The following SLC36A1 variants were observed in gnomAD, a reference collection of about 807,000 sequenced individuals.
SLC36A1 encodes the protein proton-coupled amino acid transporter 1.
SLC36A1 carries 30 observed loss-of-function variants against 47.5 expected under a neutral mutation model. The ratio of observed to expected loss-of-function variants is 0.63; its 90% CI spans 0.47 to 0.86. The LOEUF is 0.86. Ranked by LOEUF, SLC36A1 falls within the 40% of genes least tolerant of loss-of-function variation. The pLI is 0.00. For missense variants in SLC36A1, 517 were observed against 606.0 expected, an observed-to-expected ratio of 0.85 and a Z score of 1.54; for synonymous variants, 255 against 249.7, an observed-to-expected ratio of 1.02 and a Z score of -0.20.
At chr5:151,546,787 T>C in the SLC36A1 span, among the ~76,000 whole-genome samples, 1 of 152,102 alleles carries the variant, frequency 6.6e-6, no homozygotes, top group Non-Finnish European at 1.5e-5. Context: ...GATGTGAGCA[T>C]GGCTCACTGC....
chr5:151,472,887 G>T (rs760927484), intron 7 of SLC36A1, among the ~76,000 whole-genome samples: 3 of 152,054 alleles, frequency 2.0e-5, no homozygotes, highest in Admixed American at 6.6e-5. Flanking sequence ...GTGCATACTG[G>T]CCAGGCGCAG....
intron 1 of SLC36A1, among the ~76,000 whole-genome samples, chr5:151,438,849 G>T (rs1170549630): frequency 6.6e-6 from 1 of 152,140 alleles, no homozygotes; most frequent in African/African-American, 2.4e-5. Flanking sequence ...TCCTCAGAGT[G>T]CATGCATCTA....
the SLC36A1 span, among the ~76,000 whole-genome samples, chr5:151,500,876 AG>A: frequency 6.6e-6 from 1 of 152,226 alleles, no homozygotes. Flanking sequence ...CCGCAGGCCC[AG>A]TAAACTGGTC....
At chr5:151,511,472 G>A in the SLC36A1 span, 1,104 of 152,374 alleles carry the variant, frequency 7.2e-3, 12 homozygotes, top group Middle Eastern at 0.014. Flanking sequence ...CCACCCCTGG[G>A]TGTCGGGTGT....
chr5:151,401,556 G>A, the SLC36A1 span, among the ~76,000 whole-genome samples: 1,129 of 152,244 alleles, frequency 7.4e-3, 19 homozygotes, highest in African/African-American at 0.026. Context: ...ATCTAATTCT[G>A]TGAAAAATAA....
chr5:151,442,224 G>A (rs1379449274), intron 1 of SLC36A1, among the ~76,000 whole-genome samples: 1 of 152,092 alleles, frequency 6.6e-6, no homozygotes, highest in African/African-American at 2.4e-5. Context: ...CTTATAGATA[G>A]TAAAATTGTA....
chr5:151,472,989 G>A (rs1298600655), intron 7 of SLC36A1, among the ~76,000 whole-genome samples: 2 of 152,184 alleles, frequency 1.3e-5, no homozygotes, highest in Admixed American at 1.3e-4. Flanking sequence ...CCAACATGGT[G>A]AAGCCCTGTC....
chr5:151,462,104 C>T (rs1755607868), intron 2 of SLC36A1, among the ~76,000 whole-genome samples: 1 of 151,914 alleles, frequency 6.6e-6, no homozygotes, highest in African/African-American at 2.4e-5. Context: ...ATATCTGTTG[C>T]CCAGAATAAA....
intron 8 of SLC36A1, among the ~76,000 whole-genome samples, chr5:151,475,263 T>A (rs567299900): frequency 4.6e-5 from 7 of 152,350 alleles, no homozygotes; most frequent in African/African-American, 1.7e-4. Context: ...CCTTAGGTTC[T>A]TGGGCATCCT....
the SLC36A1 span, among the ~76,000 whole-genome samples, chr5:151,517,925 T>TAG: frequency 6.6e-6 from 1 of 152,202 alleles, no homozygotes; most frequent in Non-Finnish European, 1.5e-5. Flanking sequence ...CATACCTTTC[T>TAG]AGCCTCACAC....
intron 7 of SLC36A1, among the ~76,000 whole-genome samples, chr5:151,473,210 AT>A (rs1330937200): frequency 3.0e-4 from 45 of 151,534 alleles, no homozygotes; most frequent in Admixed American, 4.6e-4. Context: ...AGATAGATAG[AT>A]AGATAGATAG....
chr5:151,458,149 A>C lies in SLC36A1; in HGVS notation c.-5-639A>C, dbSNP rs143501561. ...AGGCGTGAGCCACCACACCCAGCCC[A>C]GAGAGGATTTCTTGAGTGAAATGTG... On this transcript the variant is annotated intron_variant, in intron 1 of 10. Coordinates refer to ENST00000243389, the MANE Select transcript of SLC36A1 (RefSeq NM_078483.4). Among the ~76,000 whole-genome samples the C allele has an allele frequency of 1.4e-3, 216 of 152,004 alleles. 5 individuals carry two copies. The East Asian group carries it at 0.036, about 26-fold the overall frequency.
the SLC36A1 span, among the ~76,000 whole-genome samples, chr5:151,411,301 G>A: frequency 6.9e-5 from 10 of 144,390 alleles, no homozygotes; most frequent in Non-Finnish European, 1.2e-4. Flanking sequence ...GGATACCTAC[G>A]GGATGATCTG....
chr5:151,397,030 A>G, the SLC36A1 span, among the ~76,000 whole-genome samples: 1 of 152,362 alleles, frequency 6.6e-6, no homozygotes, highest in East Asian at 1.9e-4. Flanking sequence ...ATTGTGTGCC[A>G]TAAGCACTCT....
the SLC36A1 span, chr5:151,543,695 T>G: frequency 1.2e-6 from 2 of 1,614,224 alleles, no homozygotes; most frequent in Non-Finnish European, 1.7e-6. Context: ...AACTCTGGGC[T>G]GTACTTGTTG....
chr5:151,531,592 C>A, the SLC36A1 span: 3 of 1,612,208 alleles, frequency 1.9e-6, no homozygotes, highest in Admixed American at 3.3e-5. The surrounding 1 kb of genome is among the most constrained non-coding windows in gnomAD (Gnocchi z 5.7). Context: ...CTCACCTGTG[C>A]GAGCATCCAG....
At chr5:151,548,869 A>T in the SLC36A1 span, among the ~76,000 whole-genome samples, 1 of 152,152 alleles carries the variant, frequency 6.6e-6, no homozygotes, top group Non-Finnish European at 1.5e-5. Context: ...CCCATAAAAT[A>T]GATAAACCCA....
chr5:151,506,129 A>AT, the SLC36A1 span: 54,043 of 1,489,886 alleles, frequency 0.036, 1,151 homozygotes, highest in Non-Finnish European at 0.04. Context: ...GGGTGAGCTC[A>AT]TTTTCTCCCC....
intron 1 of SLC36A1, among the ~76,000 whole-genome samples, chr5:151,439,045 C>T (rs1752467533): frequency 6.6e-6 from 1 of 151,968 alleles, no homozygotes; most frequent in African/African-American, 2.4e-5. Context: ...TTCTACATGG[C>T]TGGGAGGCCT....
Sources: allele counts gnomAD v4.1 joint callset (sites outside exome capture counted in the v4.1 genomes callset), GRCh38; gene constraint gnomAD v4.1.1; non-coding constraint Gnocchi (gnomAD v3.1); transcripts MANE v1.5; gene names NCBI Gene and HGNC (gene_info 2026-07-23, HGNC 2026-07-21).